Variants in MCCC2 observed in about 807,000 individuals in gnomAD.
The protein encoded by MCCC2 is methylcrotonyl-CoA carboxylase subunit 2.
A neutral mutation model predicts 77.2 loss-of-function variants in MCCC2; 52 were observed. The observed-to-expected ratio is 0.67, with a 90% CI of 0.54 to 0.85. The LOEUF (loss-of-function observed/expected upper bound fraction) is 0.85. MCCC2 is among the 40% of genes least tolerant of loss of function. The probability of loss-of-function intolerance (pLI) is 0.00; values close to 1 mark genes in which losing one functional copy is unlikely to be tolerated. For missense variants in MCCC2, 682 were observed against 703.2 expected (o/e 0.97, Z 0.34); for synonymous variants, 253 against 248.4 (o/e 1.02, Z -0.18).
At chr5:71,612,404 A>G (rs1397583267) in intron 6 of MCCC2, among the ~76,000 whole-genome samples, 1 of 152,248 alleles carries the variant, frequency 6.6e-6, no homozygotes, top group Non-Finnish European at 1.5e-5. Flanking sequence ...CACAGTGACC[A>G]TGCCTACCTA....
intron 6 of MCCC2, among the ~76,000 whole-genome samples, chr5:71,608,748 T>C (rs1745794054): frequency 6.6e-6 from 1 of 150,560 alleles, no homozygotes; most frequent in African/African-American, 2.4e-5. Context: ...GCGCTTCCTT[T>C]TTTAGGGCAG....
chr5:71,624,689 CTTTCTTTT>C (rs1746476764), intron 6 of MCCC2, among the ~76,000 whole-genome samples: 1 of 96,754 alleles, frequency 1.0e-5, no homozygotes, highest in East Asian at 3.3e-4. Flanking sequence ...TGCTTTCTTT[CTTTCTTTT>C]TTTTTTTTTT....
In MCCC2 at chr5:71,618,540, CCTTCCTTCCTTT is replaced by C. The variant is rs1195771289; in HGVS notation, c.625-8096_625-8085del. Among the ~76,000 whole-genome samples, 155 of 46,286 alleles carry C rather than the reference CCTTCCTTCCTTT, an allele frequency of 3.3e-3. 1 individual carries two copies. The highest frequency in any genetic ancestry group is 0.032 in the Middle Eastern group (2 of 62). 30.4% of individuals were successfully genotyped at this position (46,286 alleles called of 152,430 possible). ...TCCTTCCTTCCTTCCTTCCTTCCTT[CCTTCCTTCCTTT>C]CTTTCTTTCTCTTTCTTTTTGTAGA... On this transcript the variant is annotated intron_variant, in intron 6 of 16. Transcript: ENST00000340941.
chr5:71,640,337 C>A (rs1294572948), intron 10 of MCCC2, among the ~76,000 whole-genome samples: 1 of 127,040 alleles, frequency 7.9e-6, no homozygotes, highest in Admixed American at 7.8e-5. Context: ...ATTTTTTTTT[C>A]TAATTTATTA....
chr5:71,591,301 G>C (rs1347982864), intron 1 of MCCC2, among the ~76,000 whole-genome samples: 1 of 152,136 alleles, frequency 6.6e-6, no homozygotes, highest in Non-Finnish European at 1.5e-5. Context: ...AAAGTAATAT[G>C]CTGACCAAAC....
At chr5:71,616,319 C>G (rs1234029429) in intron 6 of MCCC2, among the ~76,000 whole-genome samples, 1 of 152,208 alleles carries the variant, frequency 6.6e-6, no homozygotes, top group Non-Finnish European at 1.5e-5. Context: ...TACAGTCAAT[C>G]AGAAATATAG....
intron 6 of MCCC2, among the ~76,000 whole-genome samples, chr5:71,606,012 G>T (rs1745660803): frequency 6.6e-6 from 1 of 152,190 alleles, no homozygotes; most frequent in Non-Finnish European, 1.5e-5. Flanking sequence ...GTAGTGTGAT[G>T]CCTCCAGCTT....
At chr5:71,591,916 A>G (rs961187983) in intron 1 of MCCC2, among the ~76,000 whole-genome samples, 3 of 151,902 alleles carry the variant, frequency 2.0e-5, no homozygotes, top group African/African-American at 7.3e-5. Flanking sequence ...GATAATTTTT[A>G]AATTTTTATT....
intron 6 of MCCC2, among the ~76,000 whole-genome samples, chr5:71,619,656 C>CCTGAGTAGCTGGGATTA (rs1260806287): frequency 6.6e-6 from 1 of 152,090 alleles, no homozygotes; most frequent in African/African-American, 2.4e-5. Flanking sequence ...GCCTCAGCCT[C>CCTGAGTAGCTGGGATTA]CTGAGTAGCT....
At chr5:71,619,561 TTTTA>T (rs948351905) in intron 6 of MCCC2, among the ~76,000 whole-genome samples, 2 of 152,074 alleles carry the variant, frequency 1.3e-5, no homozygotes, top group Non-Finnish European at 2.9e-5. Flanking sequence ...CCTCTCGTTG[TTTTA>T]TTTGTTTATT....
chr5:71,652,770 T>C lies in MCCC2; in HGVS notation c.1574+16T>C, dbSNP rs754695142. On this transcript the variant is annotated intron_variant, in intron 16 of 16. Coordinates refer to ENST00000340941, the MANE Select transcript of MCCC2 (RefSeq NM_022132.5). ...CCAGCGCAAGGTGGGGGCCAGAACATCACTAACTCTCTGATGGGTGCAGAT... is the reference window on the plus strand; with the variant it reads ...CCAGCGCAAGGTGGGGGCCAGAACACCACTAACTCTCTGATGGGTGCAGAT... 1 of 1,608,622 alleles carries C rather than the reference T, an allele frequency of 6.2e-7. No individual in the cohort carries two copies. The highest frequency in any genetic ancestry group is 1.1e-5 in the South Asian group (1 of 90,964).
Position 71,596,294 on chromosome 5 carries a change from G to A in MCCC2, c.211G>A (p.Ala71Thr), listed in dbSNP as rs1362420881. 4 of 1,613,950 alleles carry A rather than the reference G, an allele frequency of 2.5e-6. No individual in the cohort carries two copies. The African/African-American group carries it at 5.3e-5, about 22-fold the overall frequency. ...EHIKLGGGEK[A>T]RALHISRGKL... is the part of the protein sequence containing the mutation. The stretch of plus-strand genomic sequence containing the variant: ...TTCTATCATAGGAGGTGGTGAGAAA[G>A]CCCGAGCACTTCACATATCAAGAGG... Residue 71 changes from alanine to threonine, a missense_variant, in exon 3 of 17, where the codon GCC becomes ACC. By Grantham distance (58) the Ala-to-Thr change is moderately conservative. Transcript: ENST00000340941.
At chr5:71,626,122 ACTTTT>A (rs1446505925) in intron 6 of MCCC2, among the ~76,000 whole-genome samples, 5 of 152,094 alleles carry the variant, frequency 3.3e-5, no homozygotes, top group African/African-American at 1.2e-4. Context: ...AATACAATCG[ACTTTT>A]CTTTTGAGGA....
intron 10 of MCCC2, chr5:71,636,216 C>T: frequency 3.6e-6 from 1 of 279,286 alleles, no homozygotes; most frequent in South Asian, 3.4e-5. Context: ...ATATAATGTT[C>T]TGTTGTATGG....
chr5:71,596,881 A>G (rs1745211677), intron 3 of MCCC2, among the ~76,000 whole-genome samples: 1 of 152,062 alleles, frequency 6.6e-6, no homozygotes, highest in Admixed American at 6.6e-5. Context: ...CAGAGGTTGC[A>G]GTGAGACGAG....
At position 71,626,885 on chromosome 5, in the gene MCCC2, C is replaced by T. The variant is rs77085070; in HGVS notation, c.738+132C>T. Reference sequence around the variant, plus strand: ...ATAACATAAAACTTACTGTTGTAACCGTTTTTCAGTACAGCTTGGTGACGT... The same window carrying T: ...ATAACATAAAACTTACTGTTGTAACTGTTTTTCAGTACAGCTTGGTGACGT... On this transcript the variant is annotated intron_variant, in intron 7 of 16. Transcript: ENST00000340941. 49,673 of 855,844 alleles carry T rather than the reference C, an allele frequency of 0.058. 2,147 individuals are homozygous for T. Among genetic ancestry groups the T allele is most frequent in the African/African-American group, 0.16 (9,405 of 59,660 alleles). The allele number at this position is 855,844 out of a possible 1,614,324, so 53.0% of individuals were successfully genotyped here.
chr5:71,621,931 T>C (rs1408175602), intron 6 of MCCC2, among the ~76,000 whole-genome samples: 2 of 152,200 alleles, frequency 1.3e-5, no homozygotes, highest in African/African-American at 4.8e-5. Flanking sequence ...GATAAATGCT[T>C]GAGGGGATAG....
intron 11 of MCCC2, among the ~76,000 whole-genome samples, chr5:71,642,401 G>C (rs1403367568): frequency 1.3e-5 from 2 of 152,212 alleles, no homozygotes; most frequent in African/African-American, 4.8e-5. Context: ...CACTTACCAT[G>C]TGTAGCCTCT....
intron 11 of MCCC2, among the ~76,000 whole-genome samples, chr5:71,642,398 C>T (rs982214777): frequency 1.3e-5 from 2 of 152,170 alleles, no homozygotes; most frequent in African/African-American, 4.8e-5. Context: ...CAGCACTTAC[C>T]ATGTGTAGCC....
Sources: gnomAD v4.1 joint callset for allele counts (sites outside exome capture counted in the v4.1 genomes callset) on GRCh38, gnomAD v4.1.1 for gene constraint, MANE v1.5 for transcripts, NCBI Gene and HGNC (gene_info 2026-07-23, HGNC 2026-07-21) for gene names.